The following TF variants were observed in gnomAD, a reference collection of about 807,000 sequenced individuals.
The protein encoded by TF is serotransferrin.
Under a neutral mutation model 82.4 loss-of-function variants are expected in TF, and 55 were observed. The ratio of observed to expected loss-of-function variants is 0.67; its 90% confidence interval spans 0.54 to 0.84. The LOEUF (loss-of-function observed/expected upper bound fraction) is 0.84, where lower values mean the gene tolerates loss of function less well. TF is among the 40% of genes least tolerant of loss of function. The pLI is 0.00. For missense variants in TF, 737 were observed against 868.4 expected (o/e 0.85, Z 1.90); for synonymous variants, 332 against 332.6 (o/e 1.00, Z 0.02).
At chr3:133,723,637 T>TTTATTATTATTATTATTA in the TF span, among the ~76,000 whole-genome samples, 11 of 143,582 alleles carry the variant, frequency 7.7e-5, no homozygotes, top group African/African-American at 2.3e-4. Flanking sequence ...GTTTGGTTCT[T>TTTATTATTATTATTATTA]TTATTATTAT....
chr3:133,755,849 A>G, intron 5 of TF: 1 of 443,650 alleles, frequency 2.3e-6, no homozygotes, highest in South Asian at 2.2e-5. Flanking sequence ...CCTCAATCTC[A>G]GCAGTGTTAC....
the TF span, among the ~76,000 whole-genome samples, chr3:133,667,671 T>C: frequency 6.6e-6 from 1 of 152,212 alleles, no homozygotes; most frequent in South Asian, 2.1e-4. Flanking sequence ...ACTTCCTCTA[T>C]TGATAAGCTT....
the TF span, among the ~76,000 whole-genome samples, chr3:133,686,748 G>T: frequency 6.6e-6 from 1 of 152,222 alleles, no homozygotes; most frequent in Admixed American, 6.5e-5. Context: ...TACACTGTTG[G>T]TGGGAGTGTC....
At position 133,784,000 on chromosome 3, in the gene TF, G is replaced by A. The variant is rs1934580301; in HGVS notation, c.*5380G>A. ...GCCACCAGCGGGTGCAGAGGGCCAG[G>A]AAAGCTGGTCTGCGCGCGGCTCAGC... On this transcript the variant is annotated 3_prime_UTR_variant, in exon 17 of 17. Transcript: ENST00000402696. 1 of 152,562 alleles carries A rather than the reference G, an allele frequency of 6.6e-6. No homozygotes were observed. The allele number at this position is 152,562 out of a possible 1,614,324, so 9.5% of individuals were successfully genotyped here.
chr3:133,716,967 T>C, the TF span, among the ~76,000 whole-genome samples: 5 of 152,188 alleles, frequency 3.3e-5, no homozygotes, highest in African/African-American at 1.2e-4. Flanking sequence ...TCATGGCTAG[T>C]TTCCTCATTT....
chr3:133,742,006 C>T (rs754999377), upstream of TF, among the ~76,000 whole-genome samples: 6 of 152,120 alleles, frequency 3.9e-5, no homozygotes, highest in Non-Finnish European at 5.9e-5. Context: ...TATTTAGAGA[C>T]AGGGTCTCAC....
chr3:133,673,103 A>G, the TF span, among the ~76,000 whole-genome samples: 2 of 152,240 alleles, frequency 1.3e-5, no homozygotes, highest in South Asian at 2.1e-4. Context: ...GGCAGTAACT[A>G]TTAAAGCTGA....
the TF span, among the ~76,000 whole-genome samples, chr3:133,738,709 C>T: frequency 9.7e-4 from 147 of 152,302 alleles, 1 homozygote; most frequent in East Asian, 7.7e-4. Context: ...GACTCCCATT[C>T]ACAATTGCTA....
chr3:133,673,366 C>T, the TF span, among the ~76,000 whole-genome samples: 22,593 of 152,032 alleles, frequency 0.15, 1,909 homozygotes, highest in Non-Finnish European at 0.2. Context: ...GGTCAATATA[C>T]GAAAACCAAT....
At chr3:133,746,605 G>T (rs1012530075) in intron 1 of TF, 122 bp downstream of exon 1, 22 of 1,172,122 alleles carry the variant, frequency 1.9e-5, no homozygotes, top group Non-Finnish European at 2.6e-5. Context: ...GTGTCTGGGT[G>T]CCTTTCCATT....
At chr3:133,691,767 T>G in the TF span, 1 of 153,606 alleles carries the variant, frequency 6.5e-6, no homozygotes, top group Non-Finnish European at 1.5e-5. Context: ...GTTTAGTGTT[T>G]GAGGCAGGCC....
chr3:133,754,369 C>A, intron 3 of TF, 126 bp from the exon 4 acceptor site: 1 of 953,160 alleles, frequency 1.0e-6, no homozygotes, highest in South Asian at 1.3e-5. Flanking sequence ...ATTCCCCACT[C>A]CTTATCGCCC....
rs1250370994 is a variant in TF at position 133,793,620 on chromosome 3, A to G, written c.*15000A>G. 6.6e-6 allele frequency: 1 copy of G among 152,118 alleles called. No individual in the cohort carries two copies. The highest frequency in any genetic ancestry group is 1.5e-5 in the Non-Finnish European group (1 of 67,986). The allele number at this position is 152,118 out of a possible 1,614,324, so 9.4% of individuals were successfully genotyped here. Reference sequence around the variant, plus strand: ...GTATATGCTATCAATCATAATTATGATTATTATGTTATTGTAGACCACAGA... The same window carrying G: ...GTATATGCTATCAATCATAATTATGGTTATTATGTTATTGTAGACCACAGA... On this transcript the variant is annotated 3_prime_UTR_variant, in exon 17 of 17. Transcript: ENST00000402696.
chr3:133,766,358 A>C lies in TF; in HGVS notation c.1411A>C (p.Thr471Pro). 6.2e-7 allele frequency: 1 copy of C among 1,614,212 alleles called. No individual in the cohort carries two copies. Among genetic ancestry groups the C allele is most frequent in the Non-Finnish European group, 8.5e-7 (1 of 1,180,028 alleles). ...DNLKGKKSCH[T>P]AVGRTAGWNI... ...TCTGAAAGGCAAGAAGTCCTGCCAT[A>C]CGGCAGTTGGCAGAACCGCTGGCTG... Residue 471 changes from threonine to proline, a missense_variant, in exon 12 of 17, where the codon ACG becomes CCG. Physicochemically the swap from Thr to Pro is conservative, Grantham distance 38 (BLOSUM62 -1). Transcript: ENST00000402696.
chr3:133,787,396 T>C lies in TF; in HGVS notation c.*8776T>C, dbSNP rs1386739327. 6.6e-6 allele frequency: 1 copy of C among 152,184 alleles called. No homozygotes were observed. Among genetic ancestry groups the C allele is most frequent in the African/African-American group, 2.4e-5 (1 of 41,438 alleles). 9.4% of individuals were successfully genotyped at this position (152,184 alleles called of 1,614,324 possible). A position where few individuals can be genotyped will look rare whatever the true frequency, so the allele number is the denominator to read the frequency against. On this transcript the variant is annotated 3_prime_UTR_variant, in exon 17 of 17. Coordinates refer to ENST00000402696, the MANE Select transcript of TF (RefSeq NM_001063.4). ...AGGAAGGACTGGTTCAAGGTCAAAA[T>C]TGTCATATTTAGAAGATACCTCCGA...
At chr3:133,703,765 G>C in the TF span, among the ~76,000 whole-genome samples, 50 of 152,150 alleles carry the variant, frequency 3.3e-4, no homozygotes, top group Non-Finnish European at 5.9e-4. Context: ...GTATTATCTA[G>C]AGAAATGAAT....
Position 133,751,202 on chromosome 3 carries a change from C to A in TF, c.217-2393C>A, listed in dbSNP as rs532719336. On this transcript the variant is annotated intron_variant, in intron 2 of 16. Transcript: ENST00000402696. ...AAACATAAGTGAAGCAAGCTAGATA[C>A]AAAAGGACAAATATTGTAAGATTCC... Among the ~76,000 whole-genome samples, 651 of 146,786 alleles carry A rather than the reference C, an allele frequency of 4.4e-3. 4 individuals carry two copies. The highest frequency in any genetic ancestry group is 0.024 in the South Asian group (109 of 4,632).
the TF span, among the ~76,000 whole-genome samples, chr3:133,666,259 G>A: frequency 6.6e-6 from 1 of 151,898 alleles, no homozygotes; most frequent in African/African-American, 2.4e-5. Flanking sequence ...TGCAACCTCC[G>A]CCTCCTGGGT....
At chr3:133,736,631 C>CAAAAAAGAAAAGAAAAAAAAA in the TF span, among the ~76,000 whole-genome samples, 7 of 32,552 alleles carry the variant, frequency 2.2e-4, no homozygotes, top group Admixed American at 4.7e-4. Flanking sequence ...AATGGAAAGC[C>CAAAAAAGAAAAGAAAAAAAAA]AAAAAAAAAA....
Sources: gnomAD v4.1 joint callset for allele counts (sites outside exome capture counted in the v4.1 genomes callset) on GRCh38, gnomAD v4.1.1 for gene constraint, MANE v1.5 for transcripts, NCBI Gene and HGNC (gene_info 2026-07-23, HGNC 2026-07-21) for gene names.